TMX4: variants seen among roughly 807,000 people sequenced by gnomAD.
TMX4 encodes thioredoxin related transmembrane protein 4.
In TMX4, 23 loss-of-function variants were observed where a neutral mutation model predicts 33.3. The ratio of observed to expected loss-of-function variants is 0.69; its 90% CI spans 0.50 to 0.98. TMX4 has a LOEUF of 0.98. Among genes scored for constraint, TMX4 ranks in the 50% least tolerant of loss-of-function variants. The pLI is 0.00. For synonymous variants in TMX4, 164 were observed against 161.5 expected (o/e 1.02, Z -0.12); for missense variants, 399 against 448.9 (o/e 0.89, Z 1.01).
chr20:7,987,554 G>A (rs1227449868), intron 5 of TMX4, among the ~76,000 whole-genome samples, 165 bp from the exon 6 acceptor site: 2 of 152,022 alleles, frequency 1.3e-5, no homozygotes, highest in Non-Finnish European at 2.9e-5. Flanking sequence ...GGGAAACTGA[G>A]AGTAGTAATT....
intron 1 of TMX4, among the ~76,000 whole-genome samples, chr20:8,016,851 A>C (rs2050777653): frequency 6.6e-6 from 1 of 152,214 alleles, no homozygotes; most frequent in Non-Finnish European, 1.5e-5. Flanking sequence ...AAAGCTTCTC[A>C]ATCTGTTTCT....
At chr20:7,983,651 A>C in intron 7 of TMX4, 143 bp downstream of exon 7, 2 of 542,996 alleles carry the variant, frequency 3.7e-6, no homozygotes, top group South Asian at 7.1e-5. Flanking sequence ...AAATCTACCT[A>C]GAAAACACAT....
intron 4 of TMX4, among the ~76,000 whole-genome samples, chr20:7,999,171 T>C (rs1463105372): frequency 6.6e-6 from 1 of 152,192 alleles, no homozygotes; most frequent in Non-Finnish European, 1.5e-5. Flanking sequence ...ATTATCTATA[T>C]ATATGACAAT....
Position 8,005,836 on chromosome 20 carries a change from C to T in TMX4, c.293-4295G>A, listed in dbSNP as rs142933255. Among the ~76,000 whole-genome samples the T allele has an allele frequency of 9.9e-3, 1,502 of 152,280 alleles. 11 individuals are homozygous for T. The highest frequency in any genetic ancestry group is 0.016 in the Non-Finnish European group (1,059 of 68,004). On this transcript the variant is annotated intron_variant, in intron 2 of 7. Transcript: ENST00000246024. Reference sequence around the variant, plus strand: ...AGCCCAGCCGCTGGGTGGCCCAACTCCAGGGGAAAACCACCACCTTCCCAC... The same window carrying T: ...AGCCCAGCCGCTGGGTGGCCCAACTTCAGGGGAAAACCACCACCTTCCCAC...
chr20:8,001,544 A>C lies in TMX4; in HGVS notation c.293-3T>G, dbSNP rs1302720159. The C allele has an allele frequency of 6.3e-7, 1 of 1,598,608 alleles. No individual in the cohort carries two copies. Among genetic ancestry groups the C allele is most frequent in the South Asian group, 1.1e-5 (1 of 88,950 alleles). The stretch of plus-strand genomic sequence containing the variant: ...GACAAAGAAGCGGCCACTCAAACCT[A>C]CAAGAAGCATAAACAGAACAAAAGT... On this transcript the variant is annotated splice_polypyrimidine_tract_variant and splice_region_variant and intron_variant, in intron 2 of 7. Coordinates refer to ENST00000246024, the MANE Select transcript of TMX4 (RefSeq NM_021156.4).
At chr20:8,000,199 G>C (rs2050698794) in intron 3 of TMX4, among the ~76,000 whole-genome samples, 1 of 152,072 alleles carries the variant, frequency 6.6e-6, no homozygotes, top group Non-Finnish European at 1.5e-5. Flanking sequence ...TTGTTATCAA[G>C]TTTAAAACAT....
At chr20:7,998,125 A>G (rs748886138) in intron 4 of TMX4, among the ~76,000 whole-genome samples, 1 of 152,100 alleles carries the variant, frequency 6.6e-6, no homozygotes, top group Admixed American at 6.6e-5. Context: ...AGCCTGTAGA[A>G]CCATGAGCCA....
intron 5 of TMX4, among the ~76,000 whole-genome samples, chr20:7,988,915 CAG>C (rs1399168671): frequency 6.6e-6 from 1 of 151,774 alleles, no homozygotes; most frequent in African/African-American, 2.4e-5. Flanking sequence ...CCTAGCTACT[CAG>C]GGGATTGAGG....
chr20:7,992,479 C>T (rs1052821728), intron 5 of TMX4, among the ~76,000 whole-genome samples: 5 of 152,080 alleles, frequency 3.3e-5, no homozygotes, highest in Admixed American at 3.3e-4. Flanking sequence ...AATGACATAT[C>T]GAGGATCCCT....
chr20:7,998,542 TGC>T (rs2050687244), intron 4 of TMX4, among the ~76,000 whole-genome samples: 2 of 152,122 alleles, frequency 1.3e-5, no homozygotes, highest in African/African-American at 4.8e-5. Flanking sequence ...TCCTTGTGTG[TGC>T]TGATCACTTC....
At chr20:8,010,352 A>AATT in intron 1 of TMX4, 37 bp from the exon 2 acceptor site, 9 of 1,375,360 alleles carry the variant, frequency 6.5e-6, no homozygotes, top group Non-Finnish European at 8.9e-6. Flanking sequence ...TGATAAATAT[A>AATT]CAGAAGAAAT....
chr20:7,983,649 C>A, intron 7 of TMX4, 145 bp downstream of exon 7: 6 of 514,910 alleles, frequency 1.2e-5, no homozygotes, highest in South Asian at 8.5e-5. Flanking sequence ...TCAAATCTAC[C>A]TAGAAAACAC....
Position 8,010,229 on chromosome 20 carries a change from A to G in TMX4, c.263T>C (p.Val88Ala). The stretch of plus-strand genomic sequence containing the variant: ...TTCTTGAATGACATCTACCTTCCCC[A>G]CACTGATCTGAAGTATTTCACCATT... ...AKNGEILQIS[V>A]GKVDVIQEPG... Residue 88 changes from valine to alanine, a missense_variant, in exon 2 of 8, where the codon GTG (valine) becomes GCG (alanine). Coordinates refer to ENST00000246024, the MANE Select transcript of TMX4 (RefSeq NM_021156.4). The G allele has an allele frequency of 6.2e-7, 1 of 1,611,712 alleles. No individual in the cohort carries two copies. The highest frequency in any genetic ancestry group is 8.5e-7 in the Non-Finnish European group (1 of 1,178,358).
rs114337067 is a variant in TMX4 at position 7,989,102 on chromosome 20, T to C, written c.514-1713A>G. Among the ~76,000 whole-genome samples the C allele has an allele frequency of 5.7e-3, 872 of 152,210 alleles. 10 individuals are homozygous for C. Among genetic ancestry groups the C allele is most frequent in the African/African-American group, 0.02 (824 of 41,542 alleles). On this transcript the variant is annotated intron_variant, in intron 5 of 7. Coordinates refer to ENST00000246024, the MANE Select transcript of TMX4 (RefSeq NM_021156.4). ...TTTGAGATATCAAAACATCATTTCA[T>C]TCAAACTCTTTTCAAAGAAAGTTTT...
At chr20:8,005,913 C>T (rs1422959788) in intron 2 of TMX4, among the ~76,000 whole-genome samples, 3 of 152,182 alleles carry the variant, frequency 2.0e-5, no homozygotes, top group Non-Finnish European at 2.9e-5. Flanking sequence ...TACTTCCACT[C>T]AATAAAACCT....
At chr20:8,018,980 G>A in intron 1 of TMX4, 1 of 444,790 alleles carries the variant, frequency 2.2e-6, no homozygotes, top group Non-Finnish European at 4.5e-6. Context: ...CCTGTGCTAC[G>A]TATTCATACT....
At chr20:7,992,104 T>G (rs530803016) in intron 5 of TMX4, among the ~76,000 whole-genome samples, 1 of 152,354 alleles carries the variant, frequency 6.6e-6, no homozygotes, top group East Asian at 1.9e-4. Flanking sequence ...CCTTGTACTA[T>G]CCATTAGAGT....
chr20:7,985,789 C>T (rs1484938755), intron 6 of TMX4, among the ~76,000 whole-genome samples: 1 of 152,194 alleles, frequency 6.6e-6, no homozygotes, highest in African/African-American at 2.4e-5. Flanking sequence ...TCACTCTCTC[C>T]TTTCTTCAGG....
chr20:8,018,518 G>GCA (rs1568541327), intron 1 of TMX4, among the ~76,000 whole-genome samples: 1,574 of 46,154 alleles, frequency 0.034, 421 homozygotes, highest in African/African-American at 0.27. Context: ...GAGAGAGAGA[G>GCA]AGAGAGAGAG....
Sources: gnomAD v4.1 joint callset for allele counts (sites outside exome capture counted in the v4.1 genomes callset) on GRCh38, gnomAD v4.1.1 for gene constraint, MANE v1.5 for transcripts, NCBI Gene and HGNC (gene_info 2026-07-23, HGNC 2026-07-21) for gene names.